DPP10: variants seen among roughly 807,000 people sequenced by gnomAD.
DPP10 encodes the protein dipeptidyl peptidase like 10.
DPP10 carries 33 observed loss-of-function variants against 120.9 expected under a neutral mutation model. The observed-to-expected ratio is 0.27, with a 90% CI of 0.21 to 0.37. DPP10 has a LOEUF of 0.37. Ranked by LOEUF, DPP10 falls within the 10% of genes least tolerant of loss-of-function variation. DPP10 has a pLI of 1.00. For missense variants in DPP10, 816 were observed against 942.8 expected, an observed-to-expected ratio of 0.87 and a Z score of 1.76; for synonymous variants, 337 against 326.1, an observed-to-expected ratio of 1.03 and a Z score of -0.36.
At chr2:115,549,915 C>G (rs1221096619) in intron 5 of DPP10, among the ~76,000 whole-genome samples, 1 of 152,138 alleles carries the variant, frequency 6.6e-6, no homozygotes, top group African/African-American at 2.4e-5. Context: ...TTCACACATA[C>G]CATTCTCCCA....
chr2:114,987,064 A>C (rs552720766), intron 1 of DPP10, among the ~76,000 whole-genome samples: 1 of 152,146 alleles, frequency 6.6e-6, no homozygotes, highest in East Asian at 1.9e-4. Flanking sequence ...ACAGGCGTGA[A>C]CCACTGCACC....
intron 1 of DPP10, among the ~76,000 whole-genome samples, chr2:114,525,568 CTG>C (rs1685431071): frequency 6.6e-6 from 1 of 152,168 alleles, no homozygotes; most frequent in South Asian, 2.1e-4. Flanking sequence ...GATGAGGAAA[CTG>C]AGGCTTAGAA....
At chr2:115,342,431 C>G (rs2063495828) in intron 2 of DPP10, among the ~76,000 whole-genome samples, 1 of 152,200 alleles carries the variant, frequency 6.6e-6, no homozygotes, top group African/African-American at 2.4e-5. Context: ...CTAGGCTGGC[C>G]TGGAGCTCCT....
chr2:115,309,626 T>G (rs750702617), intron 2 of DPP10, among the ~76,000 whole-genome samples: 1 of 152,108 alleles, frequency 6.6e-6, no homozygotes, highest in African/African-American at 2.4e-5. Context: ...CTTACAGACT[T>G]ACTATGTGTT....
At chr2:115,680,423 G>A (rs1452499772) in intron 5 of DPP10, among the ~76,000 whole-genome samples, 1 of 151,844 alleles carries the variant, frequency 6.6e-6, no homozygotes, top group Non-Finnish European at 1.5e-5. Flanking sequence ...CAATTGACCA[G>A]TAAAAGACAA....
chr2:114,949,398 A>G (rs1697609233), intron 1 of DPP10, among the ~76,000 whole-genome samples: 1 of 152,162 alleles, frequency 6.6e-6, no homozygotes, highest in Non-Finnish European at 1.5e-5. Context: ...ACCATATCAG[A>G]GAGTATTGCT....
chr2:114,505,831 A>G (rs1158046770), intron 1 of DPP10, among the ~76,000 whole-genome samples: 1 of 152,178 alleles, frequency 6.6e-6, no homozygotes, highest in Non-Finnish European at 1.5e-5. Flanking sequence ...CTTATATGGT[A>G]GCTGTTTTCA....
At chr2:115,836,089 GTGTGTGTGTA>G (rs1689464109) in intron 21 of DPP10, 58 bp from the exon 22 acceptor site, 2 of 754,604 alleles carry the variant, frequency 2.7e-6, no homozygotes, top group Non-Finnish European at 3.6e-6. Context: ...ATATAAATTT[GTGTGTGTGTA>G]TGTGTGTGTG....
chr2:115,090,404 T>C (rs1007402381), intron 1 of DPP10, among the ~76,000 whole-genome samples: 7 of 152,080 alleles, frequency 4.6e-5, no homozygotes, highest in Non-Finnish European at 8.8e-5. Flanking sequence ...TATTTGAAGA[T>C]GATGCTTCAA....
intron 1 of DPP10, among the ~76,000 whole-genome samples, chr2:115,265,198 C>T (rs1224893113): frequency 6.6e-6 from 1 of 151,764 alleles, no homozygotes. Flanking sequence ...TCACATTCCC[C>T]ATTTCTCCCA....
chr2:115,558,500 G>C (rs1326683839), intron 5 of DPP10, among the ~76,000 whole-genome samples: 6 of 152,100 alleles, frequency 3.9e-5, no homozygotes, highest in Non-Finnish European at 7.4e-5. Flanking sequence ...TCAGGAATTA[G>C]GATTTAATGA....
At chr2:115,477,765 TAATCAAA>T (rs2075180109) in intron 3 of DPP10, among the ~76,000 whole-genome samples, 1 of 152,124 alleles carries the variant, frequency 6.6e-6, no homozygotes, top group Non-Finnish European at 1.5e-5. Context: ...AAAGCCACAG[TAATCAAA>T]ACAGTGTGGT....
intron 1 of DPP10, among the ~76,000 whole-genome samples, chr2:114,620,360 A>G (rs1052046656): frequency 2.6e-5 from 4 of 152,002 alleles, no homozygotes; most frequent in Admixed American, 1.3e-4. Context: ...GAGAGAAAGA[A>G]TTGAGGTGGC....
At chr2:114,462,973 C>T (rs1240464984) in intron 1 of DPP10, among the ~76,000 whole-genome samples, 1 of 152,052 alleles carries the variant, frequency 6.6e-6, no homozygotes, top group Admixed American at 6.6e-5. Flanking sequence ...TTTCTGATAC[C>T]ATCATAAGCT....
chr2:115,146,653 T>A (rs543846883), intron 1 of DPP10, among the ~76,000 whole-genome samples: 1 of 151,874 alleles, frequency 6.6e-6, no homozygotes, highest in East Asian at 1.9e-4. Flanking sequence ...ATAGTCTGAT[T>A]GTATCCTCCC....
chr2:115,631,819 T>C (rs1196337173), intron 5 of DPP10, among the ~76,000 whole-genome samples: 1 of 152,008 alleles, frequency 6.6e-6, no homozygotes, highest in East Asian at 1.9e-4. Flanking sequence ...CTGAGGATTA[T>C]TTTACTTCCA....
chr2:114,500,720 C>A (rs189004927), intron 1 of DPP10, among the ~76,000 whole-genome samples: 1 of 152,238 alleles, frequency 6.6e-6, no homozygotes, highest in Admixed American at 6.5e-5. Flanking sequence ...GAAGGCAAGA[C>A]TGAAAGGAAA....
intron 1 of DPP10, among the ~76,000 whole-genome samples, chr2:115,058,469 G>C (rs181742671): frequency 2.7e-4 from 41 of 152,090 alleles, no homozygotes; most frequent in Admixed American, 7.2e-4. Flanking sequence ...GCGCGATCTC[G>C]GTTCACTGCA....
chr2:114,887,137 G>T (rs1223787095), intron 1 of DPP10, among the ~76,000 whole-genome samples: 1 of 152,094 alleles, frequency 6.6e-6, no homozygotes, highest in Admixed American at 6.5e-5. Context: ...TATTTTGCTA[G>T]AACATTTAGT....
Sources: allele counts gnomAD v4.1 joint callset (sites outside exome capture counted in the v4.1 genomes callset), GRCh38; gene constraint gnomAD v4.1.1; transcripts MANE v1.5; gene names NCBI Gene and HGNC (gene_info 2026-07-23, HGNC 2026-07-21).